NCOA7: variants seen among roughly 807,000 people sequenced by gnomAD.
NCOA7 encodes 140 kDa estrogen receptor-associated protein.
A neutral mutation model predicts 104.3 loss-of-function variants in NCOA7; 45 were observed. The observed-to-expected ratio is 0.43, with a 90% CI of 0.34 to 0.55. The LOEUF (loss-of-function observed/expected upper bound fraction) is 0.55. Ranked by LOEUF, NCOA7 falls within the 20% of genes least tolerant of loss-of-function variation. NCOA7 has a pLI of 0.02. For missense variants in NCOA7, 1,041 were observed against 1,119.7 expected, an observed-to-expected ratio of 0.93 and a Z score of 1.00; for synonymous variants, 398 against 402.3, an observed-to-expected ratio of 0.99 and a Z score of 0.13.
rs543122509 is a variant in NCOA7, at chr6:125,917,463, A to G, written c.2244+1983A>G. ...TTCTCACACCCTATCCTTGCTCTCA[A>G]ACTGAAGCACCATCTCCTCTGTGAA... On this transcript the variant is annotated intron_variant, in intron 11 of 15. Transcript: ENST00000392477. 2.0e-5 allele frequency among the ~76,000 whole-genome samples: 3 copies of G among 152,050 alleles called. No homozygotes were observed. The South Asian group carries it at 6.2e-4, about 32-fold the overall frequency.
chr6:125,904,536 G>C (rs1785797855), intron 10 of NCOA7, among the ~76,000 whole-genome samples: 1 of 152,146 alleles, frequency 6.6e-6, no homozygotes, highest in Non-Finnish European at 1.5e-5. Flanking sequence ...GTAGAATGCT[G>C]TTTCTCCTTC....
intron 3 of NCOA7, among the ~76,000 whole-genome samples, chr6:125,855,975 T>TC (rs1164607710): frequency 1.1e-4 from 16 of 152,316 alleles, no homozygotes; most frequent in African/African-American, 3.8e-4. Context: ...TTATATAGTT[T>TC]CTCAGAATAA....
intron 10 of NCOA7, among the ~76,000 whole-genome samples, chr6:125,912,248 T>A (rs567019005): frequency 6.6e-6 from 1 of 152,292 alleles, no homozygotes; most frequent in South Asian, 2.1e-4. Context: ...CATAAAATTA[T>A]CTTTAGGCAG....
At chr6:125,882,826 CT>C (rs1322753654) in intron 7 of NCOA7, among the ~76,000 whole-genome samples, 2 of 152,128 alleles carry the variant, frequency 1.3e-5, no homozygotes, top group Non-Finnish European at 2.9e-5. Flanking sequence ...AGACAATATA[CT>C]GTACATATAA....
intron 10 of NCOA7, among the ~76,000 whole-genome samples, chr6:125,893,595 G>C (rs1018592979): frequency 6.6e-6 from 1 of 152,092 alleles, no homozygotes; most frequent in Non-Finnish European, 1.5e-5. Context: ...GAGAGGGCGG[G>C]GCTGTGGGGG....
At chr6:125,925,781 C>G (rs1787971050) in intron 13 of NCOA7, among the ~76,000 whole-genome samples, 1 of 152,150 alleles carries the variant, frequency 6.6e-6, no homozygotes, top group South Asian at 2.1e-4. Flanking sequence ...TGCTCTTCAT[C>G]TATTCCCTTG....
At chr6:125,783,483 T>C (rs1230374662) in intron 1 of NCOA7, among the ~76,000 whole-genome samples, 1 of 152,234 alleles carries the variant, frequency 6.6e-6, no homozygotes, top group African/African-American at 2.4e-5. Flanking sequence ...CTCTCCTCCC[T>C]CTTTGTATTC....
chr6:125,786,840 T>C (rs1261867930), upstream of NCOA7, among the ~76,000 whole-genome samples: 1 of 152,116 alleles, frequency 6.6e-6, no homozygotes, highest in East Asian at 1.9e-4. Context: ...CCTCCCAAAG[T>C]GCTGGGATTA....
At chr6:125,829,064 A>G (rs1778912915) in intron 2 of NCOA7, among the ~76,000 whole-genome samples, 2 of 152,242 alleles carry the variant, frequency 1.3e-5, no homozygotes, top group East Asian at 1.9e-4. Flanking sequence ...GAATTTTTTA[A>G]TTGTAATATC....
At chr6:125,885,833 C>T (rs1356754324) in intron 8 of NCOA7, among the ~76,000 whole-genome samples, 1 of 152,186 alleles carries the variant, frequency 6.6e-6, no homozygotes, top group Non-Finnish European at 1.5e-5. Flanking sequence ...TAGCCACCTT[C>T]TCATGCTGTG....
intron 1 of NCOA7, among the ~76,000 whole-genome samples, chr6:125,798,393 T>C (rs73584309): frequency 1.8e-4 from 27 of 152,346 alleles, no homozygotes; most frequent in African/African-American, 5.5e-4. Context: ...ACCTCCTACA[T>C]TGTACAGAGA....
upstream of NCOA7, among the ~76,000 whole-genome samples, chr6:125,788,698 A>ATTTTTTTTTTTTTTTTTTTTT (rs60048395): frequency 4.1e-5 from 5 of 121,888 alleles, no homozygotes; most frequent in African/African-American, 6.2e-5. Context: ...CACCCAGCTA[A>ATTTTTTTTTTTTTTTTTTTTT]TTTTTTTTTT....
At position 125,930,109 on chromosome 6, in the gene NCOA7, G is replaced by A; in HGVS notation, c.*1338G>A. ...ATAGTGGCTCTTGCCTGTAATCCCA[G>A]CACTTTGGGAGGCCGAGGCAGGTGG... On this transcript the variant is annotated 3_prime_UTR_variant, in exon 16 of 16. Transcript: ENST00000392477. 1 of 152,342 alleles carries A rather than the reference G, an allele frequency of 6.6e-6. No individual in the cohort carries two copies. The highest frequency in any genetic ancestry group is 1.9e-4 in the East Asian group (1 of 5,184). 9.4% of individuals were successfully genotyped at this position (152,342 alleles called of 1,614,324 possible).
At chr6:125,828,016 AT>A (rs1778813311) in intron 2 of NCOA7, among the ~76,000 whole-genome samples, 1 of 152,258 alleles carries the variant, frequency 6.6e-6, no homozygotes, top group South Asian at 2.1e-4. Flanking sequence ...CAACCACTAA[AT>A]ACACAATTGG....
In NCOA7 at chr6:125,927,656, T is replaced by C. The variant is rs754320995; in HGVS notation, c.2524-7T>C. 7 of 1,611,282 alleles carry C rather than the reference T, an allele frequency of 4.3e-6. No individual in the cohort carries two copies. The East Asian group carries it at 1.1e-4, about 26-fold the overall frequency. On this transcript the variant is annotated splice_region_variant and splice_polypyrimidine_tract_variant and intron_variant, in intron 13 of 15. Coordinates refer to ENST00000392477, the MANE Select transcript of NCOA7 (RefSeq NM_181782.5). ...ATGTAGGTAACATTTCTGTTTTCTT[T>C]TGACAGATTTTTGGAGCATATGCAA...
At chr6:125,804,896 T>G (rs1776290312) in intron 1 of NCOA7, among the ~76,000 whole-genome samples, 1 of 152,036 alleles carries the variant, frequency 6.6e-6, no homozygotes, top group African/African-American at 2.4e-5. Context: ...GGTAATTAAT[T>G]TAGTGAATTA....
intron 1 of NCOA7, among the ~76,000 whole-genome samples, chr6:125,810,681 G>A (rs537696690): frequency 6.6e-6 from 1 of 152,142 alleles, no homozygotes; most frequent in Non-Finnish European, 1.5e-5. Context: ...AAGCATGAAG[G>A]CTGCAGTGTG....
intron 2 of NCOA7, among the ~76,000 whole-genome samples, chr6:125,820,665 A>G (rs1307400212): frequency 1.3e-5 from 2 of 151,964 alleles, no homozygotes; most frequent in Non-Finnish European, 2.9e-5. Context: ...ACATTCCTTT[A>G]ATAACAAATC....
At chr6:125,905,681 A>G (rs9491533) in intron 10 of NCOA7, among the ~76,000 whole-genome samples, 32,602 of 152,164 alleles carry the variant, frequency 0.21, 4,995 homozygotes, top group African/African-American at 0.44. Context: ...GAATGAAAAG[A>G]AATTGGGAAA....
Sources: allele counts gnomAD v4.1 joint callset (sites outside exome capture counted in the v4.1 genomes callset), GRCh38; gene constraint gnomAD v4.1.1; transcripts MANE v1.5; gene names NCBI Gene and HGNC (gene_info 2026-07-23, HGNC 2026-07-21).